Variants in EVI5 observed in about 807,000 individuals in gnomAD.
The protein encoded by EVI5 is ecotropic viral integration site 5.
In EVI5, 73 loss-of-function variants were observed where a neutral mutation model predicts 112.0. The observed-to-expected ratio is 0.65, with a 90% CI of 0.54 to 0.79. The LOEUF is 0.79. EVI5 is among the 30% of genes least tolerant of loss of function. EVI5 has a pLI of 0.00. For synonymous variants in EVI5, 305 were observed against 319.9 expected (o/e 0.95, Z 0.50); for missense variants, 900 against 968.8 (o/e 0.93, Z 0.94).
chr1:92,744,063 T>C (rs917220555), intron 1 of EVI5, among the ~76,000 whole-genome samples: 1 of 152,200 alleles, frequency 6.6e-6, no homozygotes, highest in Non-Finnish European at 1.5e-5. Context: ...AGACTTCAAC[T>C]CATGTGTTAC....
intron 1 of EVI5, among the ~76,000 whole-genome samples, chr1:92,746,894 CAAAA>C (rs34342037): frequency 7.8e-6 from 1 of 128,382 alleles, no homozygotes. Context: ...GACTCTGGTT[CAAAA>C]AAAAAAAAAA....
rs576171801 is a variant in EVI5 at position 92,524,383 on chromosome 1, C to T, written c.2167-10413G>A. On this transcript the variant is annotated intron_variant, in intron 19 of 19. Coordinates refer to ENST00000684568, the MANE Select transcript of EVI5 (RefSeq NM_001350197.2). ...CTTGTTAATTTATCACTTCCATTTTCACACTGTCCACTGTCATATTTTTAA... is the reference window on the plus strand; with the variant it reads ...CTTGTTAATTTATCACTTCCATTTTTACACTGTCCACTGTCATATTTTTAA... Among the ~76,000 whole-genome samples the T allele has an allele frequency of 7.9e-5, 12 of 152,330 alleles. No homozygotes were observed. In the East Asian group the frequency reaches 2.3e-3, roughly 29 times the overall value.
intron 16 of EVI5, among the ~76,000 whole-genome samples, chr1:92,608,768 TCA>T (rs1190244296): frequency 6.6e-6 from 1 of 152,082 alleles, no homozygotes; most frequent in East Asian, 1.9e-4. Context: ...AAACTTGATG[TCA>T]CACAATACGG....
At position 92,513,887 on chromosome 1, in the gene EVI5, A is replaced by T; in HGVS notation, c.2250T>A (p.Asp750Glu). ...GIHIVNHLIG[D>E]DESFHSSDED... Reference sequence around the variant, plus strand: ...CATCGGAGGAATGGAATGATTCATCATCTCCTATTAAATGGTTGACAATGT... The same window carrying T: ...CATCGGAGGAATGGAATGATTCATCTTCTCCTATTAAATGGTTGACAATGT... Residue 750 changes from aspartate to glutamate, a missense_variant, in exon 20 of 20, where the codon GAT becomes GAA. Asp to Glu is a conservative substitution (Grantham distance 45). Coordinates refer to ENST00000684568, the MANE Select transcript of EVI5 (RefSeq NM_001350197.2). 1 of 1,612,502 alleles carries T rather than the reference A, an allele frequency of 6.2e-7. No individual in the cohort carries two copies. Among genetic ancestry groups the T allele is most frequent in the Non-Finnish European group, 8.5e-7 (1 of 1,178,946 alleles).
At chr1:92,780,445 C>T (rs548959906) in intron 1 of EVI5, among the ~76,000 whole-genome samples, 41 of 93,376 alleles carry the variant, frequency 4.4e-4, no homozygotes, top group African/African-American at 1.0e-3. Context: ...GCCCACAGCC[C>T]ACTTTCTTTG....
intron 6 of EVI5, 64 bp downstream of exon 6, chr1:92,697,796 C>A: frequency 7.5e-7 from 1 of 1,328,646 alleles, no homozygotes; most frequent in Non-Finnish European, 1.1e-6. Flanking sequence ...GCTTAGTTGG[C>A]ACTCAGAACA....
chr1:92,782,423 A>G (rs911273818), intron 1 of EVI5, among the ~76,000 whole-genome samples: 1 of 152,218 alleles, frequency 6.6e-6, no homozygotes, highest in Non-Finnish European at 1.5e-5. Flanking sequence ...AGCATTATAA[A>G]TGAGAGAAAA....
chr1:92,712,841 T>G (rs1272396305), intron 2 of EVI5, among the ~76,000 whole-genome samples: 4 of 151,938 alleles, frequency 2.6e-5, no homozygotes, highest in Non-Finnish European at 5.9e-5. Flanking sequence ...CATTAGGTCA[T>G]CTAGATCAGC....
At chr1:92,609,973 T>C (rs894866804) in intron 16 of EVI5, among the ~76,000 whole-genome samples, 1 of 151,832 alleles carries the variant, frequency 6.6e-6, no homozygotes, top group Admixed American at 6.6e-5. Context: ...GTAGCCTCAA[T>C]CTCCCAGGCT....
intron 13 of EVI5, among the ~76,000 whole-genome samples, chr1:92,659,051 T>C (rs556371389): frequency 9.2e-5 from 14 of 152,022 alleles, no homozygotes; most frequent in African/African-American, 3.1e-4. Context: ...TGGATTCATA[T>C]CTCTCATCAT....
chr1:92,663,316 G>T (rs773716720), intron 12 of EVI5, 104 bp downstream of exon 12: 2 of 498,378 alleles, frequency 4.0e-6, no homozygotes, highest in East Asian at 3.2e-5. Context: ...CTAGAAAAAC[G>T]CATGTAAAAT....
intron 13 of EVI5, among the ~76,000 whole-genome samples, chr1:92,654,822 T>G (rs574977408): frequency 6.6e-6 from 1 of 151,962 alleles, no homozygotes; most frequent in Admixed American, 6.5e-5. Context: ...TTGAAGAAAT[T>G]ATAAAATACA....
At chr1:92,551,040 C>CTTTTTTTTTTTTTTTTTTTTTTTT (rs55898086) in intron 19 of EVI5, among the ~76,000 whole-genome samples, 5 of 80,702 alleles carry the variant, frequency 6.2e-5, no homozygotes, top group African/African-American at 1.5e-4. Flanking sequence ...TTCTTTCTTT[C>CTTTTTTTTTTTTTTTTTTTTTTTT]TTTTTTTTTT....
intron 19 of EVI5, among the ~76,000 whole-genome samples, chr1:92,545,464 T>C (rs548800699): frequency 1.7e-4 from 25 of 150,572 alleles, no homozygotes; most frequent in Non-Finnish European, 1.3e-4. Context: ...TCAAAAATCA[T>C]GGTATAGTCA....
Position 92,681,554 on chromosome 1 carries a change from G to A in EVI5, c.1098-4336C>T, listed in dbSNP as rs534721850. Among the ~76,000 whole-genome samples the A allele has an allele frequency of 3.9e-5, 6 of 152,222 alleles. No homozygotes were observed. In the South Asian group the frequency reaches 1.0e-3, roughly 26 times the overall value. On this transcript the variant is annotated intron_variant, in intron 9 of 19. Transcript: ENST00000684568. ...CCTATGAGCCTTTGTACCTATTACC[G>A]TTCTTCTTAAAATGCCCTCCTTCTC...
At chr1:92,713,696 G>C (rs1237544852) in intron 2 of EVI5, among the ~76,000 whole-genome samples, 1 of 152,104 alleles carries the variant, frequency 6.6e-6, no homozygotes, top group Non-Finnish European at 1.5e-5. Flanking sequence ...AGAATCACTT[G>C]AACCCAGGAG....
At chr1:92,652,366 C>T (rs1425480449) in intron 13 of EVI5, among the ~76,000 whole-genome samples, 3 of 152,138 alleles carry the variant, frequency 2.0e-5, no homozygotes, top group African/African-American at 7.2e-5. Context: ...ATTATTGTTA[C>T]TAGATACAGA....
intron 1 of EVI5, among the ~76,000 whole-genome samples, chr1:92,766,885 C>T (rs190595602): frequency 6.6e-6 from 1 of 152,248 alleles, no homozygotes; most frequent in African/African-American, 2.4e-5. Flanking sequence ...AGTTTGAGAA[C>T]AGCCTGGCCA....
At chr1:92,579,977 GAAGGA>G (rs1167249632) in intron 18 of EVI5, among the ~76,000 whole-genome samples, 2 of 152,168 alleles carry the variant, frequency 1.3e-5, no homozygotes, top group East Asian at 3.8e-4. Flanking sequence ...GACTCAGGGA[GAAGGA>G]ACATTTAGAA....
Sources: allele counts gnomAD v4.1 joint callset (sites outside exome capture counted in the v4.1 genomes callset), GRCh38; gene constraint gnomAD v4.1.1; transcripts MANE v1.5; gene names NCBI Gene and HGNC (gene_info 2026-07-23, HGNC 2026-07-21).